Variants in COL10A1 observed in about 807,000 individuals in gnomAD.
COL10A1 encodes the protein collagen alpha-1(X) chain.
A neutral mutation model predicts 18.2 loss-of-function variants in COL10A1; 10 were observed. The observed-to-expected ratio is 0.55, with a 90% CI of 0.34 to 0.93. The LOEUF (loss-of-function observed/expected upper bound fraction) is 0.93, where lower values mean the gene tolerates loss of function less well. Among genes scored for constraint, COL10A1 ranks in the 40% least tolerant of loss-of-function variants. COL10A1 has a pLI of 0.02. For missense variants in COL10A1, 897 were observed against 853.5 expected, an observed-to-expected ratio of 1.05 and a Z score of -0.64; for synonymous variants, 330 against 316.6, an observed-to-expected ratio of 1.04 and a Z score of -0.45.
the COL10A1 span, among the ~76,000 whole-genome samples, chr6:116,174,810 A>T: frequency 6.6e-6 from 1 of 152,206 alleles, no homozygotes; most frequent in Non-Finnish European, 1.5e-5. Context: ...CACTGGTACC[A>T]TAAAGCATGG....
At chr6:116,176,080 C>A in the COL10A1 span, among the ~76,000 whole-genome samples, 11 of 152,146 alleles carry the variant, frequency 7.2e-5, no homozygotes, top group Admixed American at 7.2e-4. Flanking sequence ...TCTTCTACTA[C>A]GCTGTAATTG....
chr6:116,206,399 A>G, the COL10A1 span, among the ~76,000 whole-genome samples: 1 of 152,046 alleles, frequency 6.6e-6, no homozygotes, highest in Non-Finnish European at 1.5e-5. Context: ...ATAAGCCAAC[A>G]GTCTCTCAAT....
rs1022658297 is a variant in COL10A1, at chr6:116,120,824, C to T, written c.1292G>A (p.Gly431Glu). The part of the protein sequence containing the change: ...PGPVGPAGAK[G>E]MPGHNGEAGP... ...AGCCTCTCCATTGTGTCCGGGCATTCCCTTTGCTCCTGCTGGGCCCACAGG... is the reference window on the plus strand; with the variant it reads ...AGCCTCTCCATTGTGTCCGGGCATTTCCTTTGCTCCTGCTGGGCCCACAGG... The change falls in exon 3 of 3, where the codon GGA becomes GAA. Residue 431 changes from glycine to glutamate, a missense_variant. Coordinates refer to ENST00000651968, the MANE Select transcript of COL10A1 (RefSeq NM_000493.4). 1.2e-6 allele frequency: 2 copies of T among 1,613,968 alleles called. No homozygotes were observed. Among genetic ancestry groups the T allele is most frequent in the Non-Finnish European group, 1.7e-6 (2 of 1,179,964 alleles).
chr6:116,180,749 A>G, the COL10A1 span, among the ~76,000 whole-genome samples: 1 of 152,084 alleles, frequency 6.6e-6, no homozygotes, highest in African/African-American at 2.4e-5. Flanking sequence ...GGAAAGTGCT[A>G]TGGGGGAAAT....
At chr6:116,124,551 A>G (rs1284355744) in intron 2 of COL10A1, among the ~76,000 whole-genome samples, 1 of 152,236 alleles carries the variant, frequency 6.6e-6, no homozygotes, top group African/African-American at 2.4e-5. Flanking sequence ...TAAAAGTAGT[A>G]GAAATAAAAC....
the COL10A1 span, among the ~76,000 whole-genome samples, chr6:116,207,046 TAAC>T: frequency 5.9e-5 from 9 of 152,018 alleles, no homozygotes; most frequent in Admixed American, 3.3e-4. Flanking sequence ...TATGCTTTCT[TAAC>T]AAACTTTTTC....
upstream of COL10A1, among the ~76,000 whole-genome samples, chr6:116,130,508 A>C (rs1008930476): frequency 1.3e-5 from 2 of 151,484 alleles, no homozygotes; most frequent in African/African-American, 4.9e-5. Context: ...CAGATCTACA[A>C]TAAGACATTT....
intron 1 of COL10A1, among the ~76,000 whole-genome samples, chr6:116,153,392 C>T (rs1369074411): frequency 6.6e-6 from 1 of 152,106 alleles, no homozygotes. Context: ...GATCTAATAT[C>T]TGTTGTCAGA....
At chr6:116,152,857 T>C (rs1253938300) in intron 1 of COL10A1, among the ~76,000 whole-genome samples, 2 of 152,154 alleles carry the variant, frequency 1.3e-5, no homozygotes, top group Non-Finnish European at 2.9e-5. Context: ...TCTATAGTTA[T>C]ATTGCCTCTG....
At chr6:116,155,679 C>G (rs1780171464) in intron 1 of COL10A1, among the ~76,000 whole-genome samples, 1 of 149,536 alleles carries the variant, frequency 6.7e-6, no homozygotes. Flanking sequence ...AGAAGCAAGG[C>G]TGGTATCCAT....
chr6:116,207,462 T>C, the COL10A1 span, among the ~76,000 whole-genome samples: 4 of 151,978 alleles, frequency 2.6e-5, no homozygotes, highest in African/African-American at 4.8e-5. Flanking sequence ...ACCTTATTTT[T>C]CAGATTTTTT....
chr6:116,159,782 C>T (rs75953568), upstream of COL10A1, among the ~76,000 whole-genome samples: 4,866 of 152,228 alleles, frequency 0.032, 276 homozygotes, highest in African/African-American at 0.11. Context: ...TTTCCCCCAG[C>T]CCCCACCTTT....
chr6:116,163,152 A>ATATATATATATATATATATG (rs1415207322), upstream of COL10A1, among the ~76,000 whole-genome samples: 3 of 125,818 alleles, frequency 2.4e-5, no homozygotes, highest in Admixed American at 7.5e-5. Context: ...ATATATATAT[A>ATATATATATATATATATATG]TATATATATA....
At chr6:116,155,700 C>G (rs1166908744) in intron 1 of COL10A1, among the ~76,000 whole-genome samples, 1 of 141,858 alleles carries the variant, frequency 7.0e-6, no homozygotes, top group Non-Finnish European at 1.5e-5. Flanking sequence ...CTAAAGGGCA[C>G]TGGGTGAATA....
rs1779131708 is a variant in COL10A1 at position 116,121,653 on chromosome 6, G to A, written c.463C>T (p.Pro155Ser). Residue 155 changes from proline (P) to serine (S), a missense_variant, in exon 3 of 3, where the codon CCA becomes TCA. By Grantham distance (74) the Pro-to-Ser change is moderately conservative. Transcript: ENST00000651968. ...GIPGPAGISV[P>S]GKPGQQGPTG... ...GGTCCCTGTTGTCCAGGTTTTCCTG[G>A]CACAGAAATTCCAGCCGGTCCAGGG... 1 of 1,614,026 alleles carries A rather than the reference G, an allele frequency of 6.2e-7. No individual in the cohort carries two copies. The highest frequency in any genetic ancestry group is 8.5e-7 in the Non-Finnish European group (1 of 1,179,978).
the COL10A1 span, among the ~76,000 whole-genome samples, chr6:116,202,380 A>T: frequency 6.6e-6 from 1 of 152,030 alleles, no homozygotes; most frequent in Non-Finnish European, 1.5e-5. Flanking sequence ...TCTTAAACTC[A>T]TCACTAAAAA....
the COL10A1 span, among the ~76,000 whole-genome samples, chr6:116,173,128 C>T: frequency 6.6e-6 from 1 of 152,022 alleles, no homozygotes; most frequent in Non-Finnish European, 1.5e-5. Flanking sequence ...ATAAATTAAA[C>T]ACAATATACT....
chr6:116,149,920 C>T (rs947925834), intron 1 of COL10A1, among the ~76,000 whole-genome samples: 1 of 152,124 alleles, frequency 6.6e-6, no homozygotes, highest in African/African-American at 2.4e-5. Flanking sequence ...CATAGTGTTC[C>T]CCCACTCACA....
At chr6:116,187,242 C>T in the COL10A1 span, among the ~76,000 whole-genome samples, 1 of 152,076 alleles carries the variant, frequency 6.6e-6, no homozygotes, top group Non-Finnish European at 1.5e-5. Context: ...CTGTGGCTAC[C>T]AGCACCTGCT....
Sources: allele counts gnomAD v4.1 joint callset (sites outside exome capture counted in the v4.1 genomes callset), GRCh38; gene constraint gnomAD v4.1.1; transcripts MANE v1.5; gene names NCBI Gene and HGNC (gene_info 2026-07-23, HGNC 2026-07-21).